NEGR1: variants seen among roughly 807,000 people sequenced by gnomAD.
The protein encoded by NEGR1 is IgLON family member 4.
A neutral mutation model predicts 40.9 loss-of-function variants in NEGR1; 10 were observed. The observed-to-expected ratio is 0.24, with a 90% CI of 0.15 to 0.42. The LOEUF (loss-of-function observed/expected upper bound fraction) is 0.42, where lower values mean the gene tolerates loss of function less well. Among genes scored for constraint, NEGR1 ranks in the 10% least tolerant of loss-of-function variants. The probability of loss-of-function intolerance (pLI) is 1.00; values close to 1 mark genes in which losing one functional copy is unlikely to be tolerated. For missense variants in NEGR1, 352 were observed against 438.9 expected, an observed-to-expected ratio of 0.80 and a Z score of 1.77; for synonymous variants, 185 against 166.8, an observed-to-expected ratio of 1.11 and a Z score of -0.84.
At chr1:72,277,286 A>G (rs1040056924) in intron 1 of NEGR1, among the ~76,000 whole-genome samples, 4 of 152,258 alleles carry the variant, frequency 2.6e-5, no homozygotes, top group South Asian at 2.1e-4. Flanking sequence ...GGTCTGGCCA[A>G]TCAGGCCTAG....
chr1:72,172,966 T>G (rs1459553423), intron 1 of NEGR1, among the ~76,000 whole-genome samples: 1 of 152,072 alleles, frequency 6.6e-6, no homozygotes, highest in Non-Finnish European at 1.5e-5. Flanking sequence ...CCAGGAGAAT[T>G]CACGGACCAT....
At chr1:71,410,530 A>C (rs911656444) in intron 6 of NEGR1, among the ~76,000 whole-genome samples, 4 of 152,190 alleles carry the variant, frequency 2.6e-5, no homozygotes. Context: ...AATAATATAC[A>C]AACTTGGGAG....
chr1:71,584,733 G>T (rs1049605110), intron 6 of NEGR1, among the ~76,000 whole-genome samples: 1 of 152,112 alleles, frequency 6.6e-6, no homozygotes, highest in Admixed American at 6.6e-5. Flanking sequence ...TATCTCACAG[G>T]ACCTCCAAAA....
intron 3 of NEGR1, among the ~76,000 whole-genome samples, chr1:71,716,851 A>G (rs1654295186): frequency 6.6e-6 from 1 of 152,206 alleles, no homozygotes; most frequent in East Asian, 1.9e-4. Context: ...TTCAATTTGC[A>G]ATGGCAAGTT....
intron 4 of NEGR1, among the ~76,000 whole-genome samples, chr1:71,637,406 A>G (rs1651190128): frequency 6.6e-6 from 1 of 152,008 alleles, no homozygotes; most frequent in Non-Finnish European, 1.5e-5. Context: ...AAAGTGTAAT[A>G]TCCTAATATA....
At chr1:71,745,802 A>G (rs1199928821) in intron 3 of NEGR1, among the ~76,000 whole-genome samples, 1 of 152,138 alleles carries the variant, frequency 6.6e-6, no homozygotes, top group African/African-American at 2.4e-5. Context: ...AAACAAACAA[A>G]CAGAAATCAT....
chr1:71,868,686 C>T (rs1156234585), intron 2 of NEGR1, among the ~76,000 whole-genome samples: 1 of 152,072 alleles, frequency 6.6e-6, no homozygotes, highest in South Asian at 2.1e-4. Flanking sequence ...TATCAAACTG[C>T]TTCTAGTGTA....
intron 1 of NEGR1, among the ~76,000 whole-genome samples, chr1:72,051,264 T>C (rs1381054975): frequency 6.6e-6 from 1 of 151,512 alleles, no homozygotes; most frequent in South Asian, 2.1e-4. Context: ...AAATACATAT[T>C]ACAATCAAGA....
chr1:72,110,378 T>G (rs1278949812), intron 1 of NEGR1, among the ~76,000 whole-genome samples: 1 of 151,522 alleles, frequency 6.6e-6, no homozygotes, highest in Non-Finnish European at 1.5e-5. Context: ...CTAAAGTGAA[T>G]GCACTTGACA....
At chr1:71,689,106 C>T (rs532063371) in intron 4 of NEGR1, among the ~76,000 whole-genome samples, 2 of 152,274 alleles carry the variant, frequency 1.3e-5, no homozygotes, top group South Asian at 2.1e-4. Flanking sequence ...TTATTCTTCA[C>T]ATGAATTACA....
chr1:71,717,401 CTTTTT>C (rs952152913), intron 3 of NEGR1, among the ~76,000 whole-genome samples: 2 of 151,878 alleles, frequency 1.3e-5, no homozygotes, highest in Non-Finnish European at 2.9e-5. Context: ...CTTAGTATTA[CTTTTT>C]TTTGAGTAAA....
At chr1:71,506,808 A>G (rs1250023987) in intron 6 of NEGR1, among the ~76,000 whole-genome samples, 1 of 152,206 alleles carries the variant, frequency 6.6e-6, no homozygotes, top group Admixed American at 6.5e-5. Context: ...AACAAAAACA[A>G]AAACAAAAAC....
intron 2 of NEGR1, among the ~76,000 whole-genome samples, chr1:71,918,397 A>T (rs958789045): frequency 2.0e-5 from 3 of 151,960 alleles, no homozygotes; most frequent in Non-Finnish European, 4.4e-5. Context: ...GGGAACAAAA[A>T]AACACTCCAA....
chr1:71,681,988 G>T (rs1455759647), intron 4 of NEGR1, among the ~76,000 whole-genome samples: 1 of 151,638 alleles, frequency 6.6e-6, no homozygotes, highest in Non-Finnish European at 1.5e-5. Flanking sequence ...CACCACGACT[G>T]GCTAACTTTT....
chr1:71,953,340 A>T (rs1174328101), intron 1 of NEGR1, among the ~76,000 whole-genome samples: 2 of 150,496 alleles, frequency 1.3e-5, no homozygotes, highest in African/African-American at 5.0e-5. Flanking sequence ...GACAACTATA[A>T]CTAGAAGTGG....
At chr1:72,153,267 G>C (rs184991176) in intron 1 of NEGR1, among the ~76,000 whole-genome samples, 2 of 152,046 alleles carry the variant, frequency 1.3e-5, no homozygotes, top group African/African-American at 4.8e-5. Flanking sequence ...ATGGCTTCTT[G>C]AAAAGACTAA....
intron 1 of NEGR1, among the ~76,000 whole-genome samples, chr1:71,980,120 G>T (rs992552335): frequency 6.6e-6 from 1 of 152,088 alleles, no homozygotes; most frequent in Non-Finnish European, 1.5e-5. Flanking sequence ...TAGAAAAATG[G>T]AGATATGTGC....
intron 2 of NEGR1, among the ~76,000 whole-genome samples, chr1:71,849,200 C>CCTTCTGGAAAATAATGA (rs1477080336): frequency 1.3e-5 from 2 of 152,116 alleles, no homozygotes; most frequent in Non-Finnish European, 2.9e-5. Flanking sequence ...AAAATATTCA[C>CCTTCTGGAAAATAATGA]CATTTTAGAT....
rs1319276561 is a variant in NEGR1, at chr1:71,783,847, C to CATCT, written c.410-7551_410-7550insAGAT. ...TAATTCATCCATCCACCCGTCCATC[C>CATCT]ATCCATCCATCCATCCATCCATCCA... On this transcript the variant is annotated intron_variant, in intron 2 of 6. Coordinates refer to ENST00000357731, the MANE Select transcript of NEGR1 (RefSeq NM_173808.3). 4.0e-5 allele frequency among the ~76,000 whole-genome samples: 5 copies of CATCT among 124,282 alleles called. No individual in the cohort carries two copies. The Admixed American group carries it at 4.6e-4, about 11-fold the overall frequency. The allele number at this position is 124,282 out of a possible 152,430, so 81.5% of individuals were successfully genotyped here. A position where few individuals can be genotyped will look rare whatever the true frequency, so the allele number is the denominator to read the frequency against.
Sources: allele counts gnomAD v4.1 joint callset (sites outside exome capture counted in the v4.1 genomes callset), GRCh38; gene constraint gnomAD v4.1.1; transcripts MANE v1.5; gene names NCBI Gene and HGNC (gene_info 2026-07-23, HGNC 2026-07-21).